ANKAR: variants seen among roughly 807,000 people sequenced by gnomAD.
ANKAR encodes ankyrin and armadillo repeat-containing protein.
A neutral mutation model predicts 146.2 loss-of-function variants in ANKAR; 136 were observed. That is an observed-to-expected ratio of 0.93 (90% CI 0.81 to 1.07). The LOEUF (loss-of-function observed/expected upper bound fraction) is 1.07. ANKAR is among the 50% of genes least tolerant of loss of function. The probability of loss-of-function intolerance (pLI) is 0.00; values close to 1 mark genes in which losing one functional copy is unlikely to be tolerated. For synonymous variants in ANKAR, 500 were observed against 575.8 expected (o/e 0.87, Z 1.88); for missense variants, 1,567 against 1,679.9 (o/e 0.93, Z 1.18).
chr2:189,748,038 C>T (rs763776408), downstream of ANKAR, among the ~76,000 whole-genome samples: 1 of 152,112 alleles, frequency 6.6e-6, no homozygotes, highest in Non-Finnish European at 1.5e-5. Context: ...TGAATTGCCT[C>T]CATACAGTCT....
At chr2:189,740,275 C>T (rs1281085477) in intron 19 of ANKAR, among the ~76,000 whole-genome samples, 1 of 152,200 alleles carries the variant, frequency 6.6e-6, no homozygotes, top group African/African-American at 2.4e-5. Flanking sequence ...AACTTCCCAT[C>T]TTTAAAGGGT....
chr2:189,754,248 T>G, intron 18 of ANKAR: 1 of 1,613,892 alleles, frequency 6.2e-7, no homozygotes, highest in Non-Finnish European at 8.5e-7. Context: ...GATGTCAAAA[T>G]GAAATCTATT....
At chr2:189,681,943 G>C (rs2034758095) in intron 2 of ANKAR, among the ~76,000 whole-genome samples, 1 of 152,146 alleles carries the variant, frequency 6.6e-6, no homozygotes, top group African/African-American at 2.4e-5. Context: ...CAACACTGTA[G>C]TACAGAACAC....
At chr2:189,680,342 G>A (rs2105741297) in intron 2 of ANKAR, among the ~76,000 whole-genome samples, 1 of 151,946 alleles carries the variant, frequency 6.6e-6, no homozygotes, top group South Asian at 2.1e-4. Context: ...TCTTTTCTTG[G>A]TTAATCTAGT....
intron 2 of ANKAR, among the ~76,000 whole-genome samples, chr2:189,679,870 T>A (rs909423530): frequency 6.6e-6 from 1 of 152,200 alleles, no homozygotes; most frequent in Non-Finnish European, 1.5e-5. Flanking sequence ...TTCTTGAGGA[T>A]TTTTGCATCC....
intron 18 of ANKAR, chr2:189,752,909 T>G (rs756802115): frequency 6.2e-7 from 1 of 1,613,550 alleles, no homozygotes; most frequent in African/African-American, 1.3e-5. Context: ...CAAAGTGCAC[T>G]GTGTTGCATT....
At chr2:189,688,151 T>C (rs1174258352) in intron 2 of ANKAR, among the ~76,000 whole-genome samples, 1 of 152,178 alleles carries the variant, frequency 6.6e-6, no homozygotes, top group African/African-American at 2.4e-5. Flanking sequence ...TGGTGAGAGA[T>C]AGGGGTCTAG....
At chr2:189,761,964 G>A (rs1013258758), downstream of ANKAR, among the ~76,000 whole-genome samples, 3 of 152,130 alleles carry the variant, frequency 2.0e-5, no homozygotes, top group Non-Finnish European at 2.9e-5. Flanking sequence ...TCTGAAAAGT[G>A]CTATTTATTT....
intron 10 of ANKAR, among the ~76,000 whole-genome samples, chr2:189,711,953 G>A (rs1372370170): frequency 2.0e-5 from 3 of 152,240 alleles, no homozygotes; most frequent in Non-Finnish European, 4.4e-5. Flanking sequence ...TCTCGTGCCT[G>A]GCTCGGCAGG....
At chr2:189,723,263 A>G (rs1465643697) in intron 12 of ANKAR, among the ~76,000 whole-genome samples, 1 of 152,220 alleles carries the variant, frequency 6.6e-6, no homozygotes, top group South Asian at 2.1e-4. Context: ...GTCCAGAGCA[A>G]GGCTACCCTT....
At chr2:189,750,435 G>T, downstream of ANKAR, 1 of 491,892 alleles carries the variant, frequency 2.0e-6, no homozygotes, top group South Asian at 3.0e-5. Flanking sequence ...CAGAAGAGCA[G>T]GTAAAACATC....
At chr2:189,698,680 T>C (rs2037610008) in intron 7 of ANKAR, among the ~76,000 whole-genome samples, 1 of 152,202 alleles carries the variant, frequency 6.6e-6, no homozygotes, top group Non-Finnish European at 1.5e-5. Context: ...TTGGCCATCT[T>C]CCGTTAGAGG....
intron 12 of ANKAR, 51 bp downstream of exon 12, chr2:189,720,838 A>C: frequency 7.4e-7 from 1 of 1,354,228 alleles, no homozygotes; most frequent in Admixed American, 2.9e-5. Context: ...TATTAAGTGA[A>C]GCAAACATGG....
chr2:189,693,545 A>G (rs116118377), intron 5 of ANKAR, among the ~76,000 whole-genome samples: 280 of 152,298 alleles, frequency 1.8e-3, no homozygotes, highest in African/African-American at 6.3e-3. Flanking sequence ...AGCTCAGAGG[A>G]AACATTTTAA....
At chr2:189,741,687 T>G (rs1260653702) in intron 20 of ANKAR, among the ~76,000 whole-genome samples, 1 of 152,200 alleles carries the variant, frequency 6.6e-6, no homozygotes, top group East Asian at 1.9e-4. Context: ...TCCACAATTT[T>G]AATTCCTATA....
intron 17 of ANKAR, among the ~76,000 whole-genome samples, chr2:189,736,508 G>GTGTGTGTGTGTGTGTGTGTGTGTGTGT (rs2042860343): frequency 8.9e-6 from 1 of 112,500 alleles, no homozygotes; most frequent in African/African-American, 3.5e-5. Context: ...GGTTTTGTGT[G>GTGTGTGTGTGTGTGTGTGTGTGTGTGT]TGTGTGTGTG....
chr2:189,743,261 G>A lies in ANKAR; in HGVS notation c.3811-14G>A, dbSNP rs1432582773. 6.2e-7 allele frequency: 1 copy of A among 1,608,168 alleles called. No homozygotes were observed. On this transcript the variant is annotated splice_polypyrimidine_tract_variant and intron_variant, in intron 20 of 22. Transcript: ENST00000684021. ...AAAGCCCACTGGTTAAGAAAGAATT[G>A]TTTCTTCATTTAGGTTCGTGCAGCT...
At chr2:189,716,628 C>T (rs1462071040) in intron 10 of ANKAR, among the ~76,000 whole-genome samples, 1 of 5,382 alleles carries the variant, frequency 1.9e-4, no homozygotes, top group Non-Finnish European at 7.4e-3. Flanking sequence ...GCCCACATTG[C>T]CAAGACAATC....
chr2:189,762,794 T>C (rs972022629), downstream of ANKAR: 2 of 985,394 alleles, frequency 2.0e-6, no homozygotes, highest in African/African-American at 3.5e-5. Context: ...GGAAGTGATG[T>C]CATCGGAACT....
Sources: allele counts gnomAD v4.1 joint callset (sites outside exome capture counted in the v4.1 genomes callset), GRCh38; gene constraint gnomAD v4.1.1; transcripts MANE v1.5; gene names NCBI Gene and HGNC (gene_info 2026-07-23, HGNC 2026-07-21).